The following RAD54L variants were observed in gnomAD, a reference collection of about 807,000 sequenced individuals.
The protein encoded by RAD54L is RAD54 like, also known as DNA repair and recombination protein RAD54-like.
A neutral mutation model predicts 91.6 loss-of-function variants in RAD54L; 74 were observed. The observed-to-expected ratio is 0.81, with a 90% confidence interval of 0.67 to 0.98. RAD54L has a LOEUF of 0.98. RAD54L is among the 50% of genes least tolerant of loss of function. The probability of loss-of-function intolerance (pLI) is 0.00; values close to 1 mark genes in which losing one functional copy is unlikely to be tolerated. For synonymous variants in RAD54L, 304 were observed against 349.7 expected (o/e 0.87, Z 1.46); for missense variants, 887 against 945.7 (o/e 0.94, Z 0.81).
At chr1:46,251,872 T>C (rs939116858) in intron 3 of RAD54L, among the ~76,000 whole-genome samples, 2 of 152,062 alleles carry the variant, frequency 1.3e-5, no homozygotes, top group African/African-American at 4.8e-5. Context: ...ATTGGCACCA[T>C]TGCACTCCAG....
intron 3 of RAD54L, among the ~76,000 whole-genome samples, chr1:46,257,908 A>AT (rs1430228682): frequency 6.6e-6 from 1 of 152,208 alleles, no homozygotes; most frequent in Non-Finnish European, 1.5e-5. Flanking sequence ...CAGTTTGCTC[A>AT]TTTGTAAAAT....
At position 46,261,253 on chromosome 1, in the gene RAD54L, T is replaced by G. The variant is rs754368985; in HGVS notation, c.767-8T>G. Reference sequence around the variant, plus strand: ...TGAATTGTTCCCTTTACACCTTTTCTGTTGTAGAAGGATTCATGAACCAGC... The same window carrying G: ...TGAATTGTTCCCTTTACACCTTTTCGGTTGTAGAAGGATTCATGAACCAGC... On this transcript the variant is annotated splice_polypyrimidine_tract_variant and splice_region_variant and intron_variant, in intron 7 of 17. Transcript: ENST00000371975. 1 of 1,612,916 alleles carries G rather than the reference T, an allele frequency of 6.2e-7. No individual in the cohort carries two copies. The highest frequency in any genetic ancestry group is 1.1e-5 in the South Asian group (1 of 91,012).
rs774166091 is a variant in RAD54L at position 46,278,286 on chromosome 1, C to A, written c.*4C>A. 7.6e-5 allele frequency: 122 copies of A among 1,609,588 alleles called. No individual in the cohort carries two copies. Among genetic ancestry groups the A allele is most frequent in the Non-Finnish European group, 1.0e-4 (119 of 1,178,338 alleles). On this transcript the variant is annotated 3_prime_UTR_variant, in exon 18 of 18. Transcript: ENST00000371975. ...GGAGCAGCGGGGCCTCCGCTGATAA[C>A]CAGCTGGTCTGGGTGTAGCTCTTAG... is the stretch of plus-strand genomic sequence containing the variant.
chr1:46,255,167 G>A (rs1330945989), intron 3 of RAD54L, among the ~76,000 whole-genome samples: 1 of 152,198 alleles, frequency 6.6e-6, no homozygotes, highest in Non-Finnish European at 1.5e-5. Flanking sequence ...AAGTTTGCCT[G>A]TGGAGAGGAG....
intron 3 of RAD54L, among the ~76,000 whole-genome samples, chr1:46,254,657 C>T (rs950832367): frequency 6.6e-6 from 1 of 150,498 alleles, no homozygotes; most frequent in Admixed American, 6.6e-5. Flanking sequence ...GGTGCGATCA[C>T]GGCTCACTGC....
At position 46,248,284 on chromosome 1, in the gene RAD54L, G is replaced by T. The variant is rs921198282; in HGVS notation, c.-122G>T. 7.1e-6 allele frequency: 9 copies of T among 1,267,956 alleles called. No homozygotes were observed. Among genetic ancestry groups the T allele is most frequent in the Middle Eastern group, 2.6e-4 (1 of 3,780 alleles). 78.5% of individuals were successfully genotyped at this position (1,267,956 alleles called of 1,614,324 possible). ...ATCCATGCCCCCTCTTTAATTAGCC[G>T]GTCCTCTCAATAATGTAGCAGCCCC... is the stretch of plus-strand genomic sequence containing the variant. On this transcript the variant is annotated 5_prime_UTR_variant, in exon 1 of 18. Coordinates refer to ENST00000371975, the MANE Select transcript of RAD54L (RefSeq NM_003579.4).
intron 3 of RAD54L, among the ~76,000 whole-genome samples, chr1:46,255,649 C>T (rs1239867035): frequency 2.0e-5 from 3 of 151,984 alleles, no homozygotes; most frequent in Admixed American, 2.0e-4. Flanking sequence ...TAGGTGCCCG[C>T]CCCCACACCC....
intron 10 of RAD54L, among the ~76,000 whole-genome samples, 180 bp from the exon 11 acceptor site, chr1:46,272,286 G>A (rs1660454209): frequency 1.3e-5 from 2 of 151,644 alleles, no homozygotes; most frequent in African/African-American, 2.4e-5. Flanking sequence ...CAGGTGATCC[G>A]CCCGCCTCAG....
chr1:46,274,390 G>C, intron 15 of RAD54L, 148 bp from the exon 16 acceptor site: 1 of 1,252,178 alleles, frequency 8.0e-7, no homozygotes, highest in South Asian at 1.2e-5. Context: ...TGTGTGTTGG[G>C]ATTGGCTGGC....
chr1:46,274,065 AATTTTT>A (rs1660517571), intron 14 of RAD54L, 67 bp from the exon 15 acceptor site: 4 of 1,453,358 alleles, frequency 2.8e-6, no homozygotes, highest in East Asian at 2.4e-5. Flanking sequence ...TTTTTAAAAA[AATTTTT>A]ATTTTTAATT....
chr1:46,248,625 T>G, intron 2 of RAD54L, 27 bp downstream of exon 2: 1 of 1,604,914 alleles, frequency 6.2e-7, no homozygotes, highest in Non-Finnish European at 8.5e-7. Flanking sequence ...ACAGGGAAGG[T>G]GGGTAGAGCT....
Position 46,274,585 on chromosome 1 carries a change from C to T in RAD54L, c.1737C>T (p.Gly579=), listed in dbSNP as rs1389371376. 1.2e-6 allele frequency: 2 copies of T among 1,613,530 alleles called. No homozygotes were observed. Among genetic ancestry groups the T allele is most frequent in the Non-Finnish European group, 1.7e-6 (2 of 1,180,054 alleles). ...FMLSSKAGGC[G]LNLIGANRLV... ...TGAGCAGCAAAGCTGGGGGCTGTGG[C>T]CTCAATCTCATTGGGGCTAACCGGC... The change falls in exon 16 of 18, where the codon GGC becomes GGT. Residue 579 remains glycine (G), a synonymous_variant. Coordinates refer to ENST00000371975, the MANE Select transcript of RAD54L (RefSeq NM_003579.4).
At chr1:46,272,335 G>T in intron 10 of RAD54L, 131 bp from the exon 11 acceptor site, 1 of 851,204 alleles carries the variant, frequency 1.2e-6, no homozygotes, top group Non-Finnish European at 1.9e-6. Flanking sequence ...GAGCCACTGC[G>T]CCTGGCCGAG....
chr1:46,260,512 C>T (rs1415225576), intron 5 of RAD54L, 30 bp from the exon 6 acceptor site: 1 of 1,604,924 alleles, frequency 6.2e-7, no homozygotes, highest in South Asian at 1.1e-5. Flanking sequence ...CATGTCTGAG[C>T]ACGCTGTTTT....
At chr1:46,259,425 A>C (rs1660034220) in intron 4 of RAD54L, among the ~76,000 whole-genome samples, 1 of 152,150 alleles carries the variant, frequency 6.6e-6, no homozygotes, top group Non-Finnish European at 1.5e-5. Flanking sequence ...GGCACCTCAG[A>C]AGTTTGTAAT....
At chr1:46,261,219 A>ATTTTTTTTTT (rs1660112889) in intron 7 of RAD54L, 42 bp from the exon 8 acceptor site, 1 of 1,566,784 alleles carries the variant, frequency 6.4e-7, no homozygotes, top group African/African-American at 1.5e-5. Flanking sequence ...TTTTTTTTTC[A>ATTTTTTTTTT]AAAGATTCTG....
chr1:46,273,893 A>T (rs1403151117), intron 14 of RAD54L, 146 bp downstream of exon 14: 2 of 1,266,034 alleles, frequency 1.6e-6, no homozygotes, highest in Non-Finnish European at 2.2e-6. Flanking sequence ...TGATGGCCTC[A>T]GCTCTATCTC....
Position 46,248,340 on chromosome 1 carries a change from T to C in RAD54L, c.-66T>C, listed in dbSNP as rs1242051992. ...CAGATTAGACCCTGGTCCTACACTC[T>C]TAGCCGCTGCCTGCTTTTGACCTTT... On this transcript the variant is annotated 5_prime_UTR_variant, in exon 1 of 18. Coordinates refer to ENST00000371975, the MANE Select transcript of RAD54L (RefSeq NM_003579.4). 12 of 1,603,416 alleles carry C rather than the reference T, an allele frequency of 7.5e-6. No individual in the cohort carries two copies. The highest frequency in any genetic ancestry group is 1.0e-5 in the Non-Finnish European group (12 of 1,172,724).
In RAD54L at chr1:46,265,436, G is replaced by A. The variant is rs1469702104; in HGVS notation, c.892-2023G>A. 6.6e-6 allele frequency among the ~76,000 whole-genome samples: 1 copy of A among 151,530 alleles called. No individual in the cohort carries two copies. Among genetic ancestry groups the A allele is most frequent in the Non-Finnish European group, 1.5e-5 (1 of 67,894 alleles). ...AGGCAGGCACATGCCACCACACCCA[G>A]CTAATTTTTGTATTTTTAGTAGAGA... On this transcript the variant is annotated intron_variant, in intron 8 of 17. Transcript: ENST00000371975. The surrounding 1 kb of genome is among the most constrained non-coding windows in gnomAD (Gnocchi z 4.8).
Sources: allele counts gnomAD v4.1 joint callset (sites outside exome capture counted in the v4.1 genomes callset), GRCh38; gene constraint gnomAD v4.1.1; non-coding constraint Gnocchi (gnomAD v3.1); transcripts MANE v1.5; gene names NCBI Gene and HGNC (gene_info 2026-07-23, HGNC 2026-07-21).